Variants in GABRA4 observed in about 807,000 individuals in gnomAD.
The protein encoded by GABRA4 is gamma-aminobutyric acid receptor subunit alpha-4.
A neutral mutation model predicts 49.7 loss-of-function variants in GABRA4; 12 were observed. The ratio of observed to expected loss-of-function variants is 0.24; its 90% CI spans 0.15 to 0.39. The LOEUF is 0.39. Among genes scored for constraint, GABRA4 ranks in the 10% least tolerant of loss-of-function variants. The probability of loss-of-function intolerance (pLI) is 1.00; values close to 1 mark genes in which losing one functional copy is unlikely to be tolerated. For missense variants in GABRA4, 506 were observed against 686.0 expected, an observed-to-expected ratio of 0.74 and a Z score of 2.93; for synonymous variants, 288 against 240.2, an observed-to-expected ratio of 1.20 and a Z score of -1.84.
chr4:46,956,001 C>T (rs1435797111), intron 8 of GABRA4, among the ~76,000 whole-genome samples: 1 of 152,044 alleles, frequency 6.6e-6, no homozygotes, highest in East Asian at 1.9e-4. Flanking sequence ...TAATGCTTAG[C>T]ATATCATTTC....
At chr4:46,960,547 T>C (rs1267270950) in intron 8 of GABRA4, among the ~76,000 whole-genome samples, 1 of 151,736 alleles carries the variant, frequency 6.6e-6, no homozygotes, top group Non-Finnish European at 1.5e-5. Context: ...GTAATACTTC[T>C]GAACATATGC....
At chr4:46,985,784 C>G (rs1723511701) in intron 2 of GABRA4, among the ~76,000 whole-genome samples, 5 of 150,952 alleles carry the variant, frequency 3.3e-5, no homozygotes, top group Admixed American at 3.3e-4. Flanking sequence ...TATTGTATAT[C>G]TTTTTTTTTA....
At chr4:46,935,243 A>C (rs1218191348) in intron 8 of GABRA4, among the ~76,000 whole-genome samples, 1 of 152,158 alleles carries the variant, frequency 6.6e-6, no homozygotes, top group Non-Finnish European at 1.5e-5. Context: ...GCAAATACCG[A>C]ATTTGTCATT....
chr4:46,937,589 T>C (rs1721645289), intron 8 of GABRA4, among the ~76,000 whole-genome samples: 2 of 152,306 alleles, frequency 1.3e-5, no homozygotes, highest in South Asian at 4.1e-4. Context: ...AAAAAATACA[T>C]GCAGAAAAGC....
At chr4:46,992,031 G>A (rs1281766127) in intron 2 of GABRA4, among the ~76,000 whole-genome samples, 2 of 152,194 alleles carry the variant, frequency 1.3e-5, no homozygotes, top group Non-Finnish European at 2.9e-5. Flanking sequence ...TGTCCTCGTT[G>A]AACTGGACTG....
rs1002549814 is a variant in GABRA4 at position 46,927,172 on chromosome 4, T to C, written c.*1053A>G. 3.3e-5 allele frequency: 5 copies of C among 152,268 alleles called. No individual in the cohort carries two copies. Among genetic ancestry groups the C allele is most frequent in the Non-Finnish European group, 1.5e-5 (1 of 67,958 alleles). The allele number at this position is 152,268 out of a possible 1,614,324, so 9.4% of individuals were successfully genotyped here. ...TCTATTAAGTCTTATATTGCCCTGA[T>C]TTTTACTTTCAAGTACATAATGCTT... On this transcript the variant is annotated 3_prime_UTR_variant, in exon 9 of 9. Transcript: ENST00000264318.
intron 6 of GABRA4, among the ~76,000 whole-genome samples, chr4:46,973,090 A>C (rs901213570): frequency 6.6e-6 from 1 of 151,762 alleles, no homozygotes; most frequent in Admixed American, 6.6e-5. Context: ...TATAAAATAA[A>C]TGTTATAGTA....
At chr4:46,977,180 T>C in intron 4 of GABRA4, 37 bp from the exon 5 acceptor site, 1 of 1,370,462 alleles carries the variant, frequency 7.3e-7, no homozygotes, top group Non-Finnish European at 1.0e-6. Context: ...AATCAACCCT[T>C]TTAAAGAATA....
intron 5 of GABRA4, among the ~76,000 whole-genome samples, chr4:46,976,550 T>C (rs959583807): frequency 6.6e-6 from 1 of 151,778 alleles, no homozygotes; most frequent in Admixed American, 6.6e-5. Context: ...GTCACTGTTA[T>C]GCTAACAGTG....
chr4:46,963,983 A>T (rs1239959281), intron 8 of GABRA4, among the ~76,000 whole-genome samples: 1 of 151,922 alleles, frequency 6.6e-6, no homozygotes, highest in Non-Finnish European at 1.5e-5. Context: ...AGATCTGTCT[A>T]CAATAGCTAA....
At chr4:46,972,829 T>C (rs1722997992) in intron 6 of GABRA4, among the ~76,000 whole-genome samples, 1 of 151,598 alleles carries the variant, frequency 6.6e-6, no homozygotes, top group Admixed American at 6.6e-5. Flanking sequence ...AGATTCATCA[T>C]CCCTTCACAA....
chr4:46,966,915 A>C (rs2109378585), intron 7 of GABRA4, among the ~76,000 whole-genome samples: 1 of 151,880 alleles, frequency 6.6e-6, no homozygotes, highest in African/African-American at 2.4e-5. Context: ...ATATCTATGA[A>C]AATGCTATAT....
intron 8 of GABRA4, among the ~76,000 whole-genome samples, chr4:46,931,542 T>C (rs1721437111): frequency 6.6e-6 from 1 of 152,140 alleles, no homozygotes; most frequent in African/African-American, 2.4e-5. Flanking sequence ...TTTCTCTTTA[T>C]ATTCCTGCCT....
chr4:46,941,247 A>C (rs193010594), intron 8 of GABRA4, among the ~76,000 whole-genome samples: 4 of 152,184 alleles, frequency 2.6e-5, no homozygotes, highest in African/African-American at 9.6e-5. Context: ...TATCATTATC[A>C]TTCATTATCA....
chr4:46,953,184 T>C (rs1722231729), intron 8 of GABRA4, among the ~76,000 whole-genome samples: 1 of 152,140 alleles, frequency 6.6e-6, no homozygotes, highest in African/African-American at 2.4e-5. Flanking sequence ...AATAATGAGC[T>C]GGCTTATCCT....
chr4:46,979,185 A>G (rs537113919), intron 2 of GABRA4, 87 bp from the exon 3 acceptor site: 1 of 766,856 alleles, frequency 1.3e-6, no homozygotes, highest in Non-Finnish European at 2.3e-6. Context: ...GTAAATACAG[A>G]TATGATATAT....
chr4:46,939,515 A>G (rs1431020798), intron 8 of GABRA4, among the ~76,000 whole-genome samples: 2 of 152,056 alleles, frequency 1.3e-5, no homozygotes, highest in Non-Finnish European at 2.9e-5. Flanking sequence ...CCAGCATGAT[A>G]CAATTAAAAT....
At chr4:46,991,853 T>A (rs1175804563) in intron 2 of GABRA4, among the ~76,000 whole-genome samples, 1 of 152,258 alleles carries the variant, frequency 6.6e-6, no homozygotes, top group African/African-American at 2.4e-5. Context: ...ACAATATTAC[T>A]GGCTGTTATT....
At chr4:46,962,938 C>A (rs1469699756) in intron 8 of GABRA4, among the ~76,000 whole-genome samples, 1 of 151,688 alleles carries the variant, frequency 6.6e-6, no homozygotes, top group Non-Finnish European at 1.5e-5. Context: ...CCTATCTCTG[C>A]CATATACAAG....
Sources: gnomAD v4.1 joint callset for allele counts (sites outside exome capture counted in the v4.1 genomes callset) on GRCh38, gnomAD v4.1.1 for gene constraint, MANE v1.5 for transcripts, NCBI Gene and HGNC (gene_info 2026-07-23, HGNC 2026-07-21) for gene names.